Variants in PRR5L observed in about 807,000 individuals in gnomAD.
The protein encoded by PRR5L is proline-rich protein 5-like.
PRR5L carries 21 observed loss-of-function variants against 36.4 expected under a neutral mutation model. The ratio of observed to expected loss-of-function variants is 0.58; its 90% CI spans 0.41 to 0.83. PRR5L has a LOEUF of 0.83. Among genes scored for constraint, PRR5L ranks in the 40% least tolerant of loss-of-function variants. PRR5L has a pLI of 0.00. For missense variants in PRR5L, 381 were observed against 473.3 expected, an observed-to-expected ratio of 0.80 and a Z score of 1.81; for synonymous variants, 188 against 197.0, an observed-to-expected ratio of 0.95 and a Z score of 0.38.
Position 36,376,073 on chromosome 11 carries a change from A to G in PRR5L, c.-125-24924A>G, listed in dbSNP as rs1010537180. 20 of 1,009,552 alleles carry G rather than the reference A, an allele frequency of 2.0e-5. No homozygotes were observed. In the African/African-American group the frequency reaches 3.3e-4, roughly 17 times the overall value. The allele number at this position is 1,009,552 out of a possible 1,614,324, so 62.5% of individuals were successfully genotyped here. The stretch of plus-strand genomic sequence containing the variant: ...TTGTGTGAGAGAAACGCAAGCACGG[A>G]GCTCCCTTGACCTGCTGCATCCTCC... On this transcript the variant is annotated intron_variant, in intron 1 of 8. Transcript: ENST00000530639.
intron 1 of PRR5L, among the ~76,000 whole-genome samples, chr11:36,329,627 G>T (rs891932179): frequency 2.0e-5 from 3 of 152,110 alleles, no homozygotes; most frequent in African/African-American, 7.2e-5. Flanking sequence ...TCATTTATTT[G>T]CATAAGTGCA....
intron 6 of PRR5L, among the ~76,000 whole-genome samples, chr11:36,439,506 G>A (rs553023134): frequency 2.2e-4 from 33 of 152,140 alleles, no homozygotes; most frequent in African/African-American, 8.0e-4. Flanking sequence ...TTCTCTTCTC[G>A]AGTTTGCCAT....
At chr11:36,366,923 C>A (rs1034219852) in intron 1 of PRR5L, among the ~76,000 whole-genome samples, 2 of 152,132 alleles carry the variant, frequency 1.3e-5, no homozygotes, top group African/African-American at 4.8e-5. Context: ...TTCCCTTCTC[C>A]TCCCTTCTCC....
At chr11:36,450,205 C>A (rs532536979) in intron 7 of PRR5L, among the ~76,000 whole-genome samples, 2 of 152,328 alleles carry the variant, frequency 1.3e-5, no homozygotes, top group South Asian at 4.1e-4. Context: ...ACCTGAACAG[C>A]TTCCCCTTCA....
intron 4 of PRR5L, among the ~76,000 whole-genome samples, chr11:36,427,440 C>G (rs1349061494): frequency 6.6e-6 from 1 of 152,100 alleles, no homozygotes; most frequent in African/African-American, 2.4e-5. Context: ...ACAAGAGAAA[C>G]TTGGGTCATC....
At chr11:36,325,468 C>T (rs886327407) in intron 1 of PRR5L, among the ~76,000 whole-genome samples, 25 of 152,226 alleles carry the variant, frequency 1.6e-4, no homozygotes, top group Non-Finnish European at 2.9e-4. Context: ...AAACAGAGCT[C>T]CCATACAAAG....
chr11:36,339,727 T>A (rs1856800593), intron 1 of PRR5L, among the ~76,000 whole-genome samples: 10 of 152,184 alleles, frequency 6.6e-5, no homozygotes. Context: ...TTAGTCACTA[T>A]GGTAAGAAGG....
intron 1 of PRR5L, among the ~76,000 whole-genome samples, chr11:36,358,600 T>TA (rs1184297047): frequency 6.6e-6 from 1 of 152,238 alleles, no homozygotes; most frequent in Admixed American, 6.5e-5. Context: ...TGACTCACTT[T>TA]ATTGTGATAT....
intron 8 of PRR5L, among the ~76,000 whole-genome samples, chr11:36,461,497 C>G (rs955170465): frequency 2.6e-5 from 4 of 152,018 alleles, no homozygotes; most frequent in Non-Finnish European, 5.9e-5. Context: ...GTGGTGGGCG[C>G]CTGTAGTCCC....
At chr11:36,418,612 T>C (rs4756313) in intron 3 of PRR5L, among the ~76,000 whole-genome samples, 150,241 of 151,986 alleles carry the variant, frequency 0.99, 74,281 homozygotes, top group East Asian at 1. Context: ...CTGGCTAACA[T>C]GGTGAAACTC....
chr11:36,437,439 C>T lies in PRR5L; in HGVS notation c.407C>T (p.Thr136Ile). ...GTCTGGGACCACTTCTTCACTGAGA[C>T]TCTCCCTACCCTGCAGGCAATATTT... ...AEVWDHFFTE[T>I]LPTLQAIFYP... The change falls in exon 6 of 9, where the codon ACT becomes ATT. Residue 136 changes from threonine to isoleucine, a missense_variant. By Grantham distance (89) the Thr-to-Ile change is moderately conservative. Transcript: ENST00000530639. 6.2e-7 allele frequency: 1 copy of T among 1,612,268 alleles called. No homozygotes were observed. Among genetic ancestry groups the T allele is most frequent in the Non-Finnish European group, 8.5e-7 (1 of 1,178,322 alleles).
intron 8 of PRR5L, among the ~76,000 whole-genome samples, chr11:36,455,727 G>A (rs572503950): frequency 1.3e-5 from 2 of 152,316 alleles, no homozygotes; most frequent in East Asian, 3.9e-4. Context: ...AAGCAAGAGT[G>A]TCGGTCGCTG....
chr11:36,403,479 T>G (rs534091473), intron 3 of PRR5L, 101 bp downstream of exon 3: 1 of 771,426 alleles, frequency 1.3e-6, no homozygotes, highest in Admixed American at 2.8e-5. Context: ...TTTTTTTTTT[T>G]CCTGCTTGAT....
intron 1 of PRR5L, among the ~76,000 whole-genome samples, chr11:36,305,093 A>G (rs1337040082): frequency 1.3e-5 from 2 of 152,250 alleles, no homozygotes; most frequent in African/African-American, 4.8e-5. Flanking sequence ...TAGCAGCATT[A>G]TTCATAATAG....
At chr11:36,312,401 T>C (rs1856512793) in intron 1 of PRR5L, among the ~76,000 whole-genome samples, 1 of 152,224 alleles carries the variant, frequency 6.6e-6, no homozygotes, top group South Asian at 2.1e-4. Context: ...TCTCCATCTG[T>C]TAAACACAGC....
chr11:36,303,798 C>A (rs1337664199), intron 1 of PRR5L, among the ~76,000 whole-genome samples: 1 of 152,190 alleles, frequency 6.6e-6, no homozygotes, highest in Non-Finnish European at 1.5e-5. Flanking sequence ...ATAGAACGAA[C>A]AATACATGGT....
In PRR5L at chr11:36,352,688, T is replaced by C. The variant is rs568925511; in HGVS notation, c.-125-48309T>C. 3.3e-5 allele frequency among the ~76,000 whole-genome samples: 5 copies of C among 152,274 alleles called. No individual in the cohort carries two copies. In the South Asian group the frequency reaches 8.3e-4, roughly 25 times the overall value. ...TATTCAGCTCAGAGGGCAGTGCTAATCCCAGGTTACAGTACTTGGCACTCA... is the reference window on the plus strand; with the variant it reads ...TATTCAGCTCAGAGGGCAGTGCTAACCCCAGGTTACAGTACTTGGCACTCA... On this transcript the variant is annotated intron_variant, in intron 1 of 8. Transcript: ENST00000530639.
At chr11:36,376,294 G>T in intron 1 of PRR5L, 1 of 1,139,726 alleles carries the variant, frequency 8.8e-7, no homozygotes. Context: ...CAGGAAAAGT[G>T]GGAGGAGAAG....
chr11:36,325,604 C>T (rs773230108), intron 1 of PRR5L, among the ~76,000 whole-genome samples: 3 of 152,140 alleles, frequency 2.0e-5, no homozygotes, highest in Non-Finnish European at 4.4e-5. Context: ...CTGTTTTTGC[C>T]TAATTAGCAT....
Sources: gnomAD v4.1 joint callset for allele counts (sites outside exome capture counted in the v4.1 genomes callset) on GRCh38, gnomAD v4.1.1 for gene constraint, MANE v1.5 for transcripts, NCBI Gene and HGNC (gene_info 2026-07-23, HGNC 2026-07-21) for gene names.